The following BEND2 variants were observed in gnomAD, a reference collection of about 807,000 sequenced individuals.
BEND2 encodes BEN domain-containing protein 2.
A neutral mutation model predicts 43.8 loss-of-function variants in BEND2; 19 were observed. The observed-to-expected ratio is 0.43, with a 90% confidence interval of 0.30 to 0.64. The LOEUF is 0.64. Among genes scored for constraint, BEND2 ranks in the 30% least tolerant of loss-of-function variants. The probability of loss-of-function intolerance (pLI) is 0.11; values close to 1 mark genes in which losing one functional copy is unlikely to be tolerated. For missense variants in BEND2, 544 were observed against 574.0 expected, an observed-to-expected ratio of 0.95 and a Z score of 0.53; for synonymous variants, 226 against 210.1, an observed-to-expected ratio of 1.08 and a Z score of -0.66.
intron 12 of BEND2, among the ~76,000 whole-genome samples, chrX:18,173,431 G>C (rs1482102349): frequency 8.9e-6 from 1 of 111,832 alleles, no homozygotes; most frequent in Non-Finnish European, 1.9e-5. Context: ...ATTCTACTTA[G>C]GGTTAACATG....
chrX:18,201,402 A>C (rs1925144899), intron 6 of BEND2, among the ~76,000 whole-genome samples: 1 of 98,796 alleles, frequency 1.0e-5, no homozygotes, highest in African/African-American at 4.0e-5. Flanking sequence ...ATCTCAAAAA[A>C]AAAAAAAAAA....
At position 18,180,570 on chromosome X, in the gene BEND2, A is replaced by G; in HGVS notation, c.1369T>C (p.Leu457=). Residue 457 remains leucine (L), a synonymous_variant, in exon 9 of 14, where the codon TTG becomes CTG. Transcript: ENST00000380033. The part of the protein sequence containing the change: ...SVNTMNRSTL[L]DSDSGQDSSS... ...GAATCCTGGCCACTGTCACTGTCCA[A>G]TAAAGTTGAGCGATTCATTGTGTTG... 1.7e-6 allele frequency: 2 copies of G among 1,210,508 alleles called. No homozygotes were observed. Among genetic ancestry groups the G allele is most frequent in the Non-Finnish European group, 2.2e-6 (2 of 894,313 alleles).
At chrX:18,220,315 G>A (rs1173331365) in intron 1 of BEND2, among the ~76,000 whole-genome samples, 1 of 112,470 alleles carries the variant, frequency 8.9e-6, no homozygotes. Context: ...CGCGAGCGCC[G>A]AGATTGTTTC....
chrX:18,196,449 A>G (rs1190974144), intron 6 of BEND2, among the ~76,000 whole-genome samples: 1 of 111,332 alleles, frequency 9.0e-6, no homozygotes, highest in African/African-American at 3.3e-5. Flanking sequence ...AGACCCAGCA[A>G]TTGTGCTCTT....
chrX:18,206,045 C>T (rs1028439867), intron 4 of BEND2, among the ~76,000 whole-genome samples: 1 of 111,705 alleles, frequency 9.0e-6, no homozygotes, highest in African/African-American at 3.3e-5. Flanking sequence ...TGTAGGGAAT[C>T]GGGATGAAAA....
Position 18,195,429 on chromosome X carries a change from T to C in BEND2, c.1047A>G (p.Ile349Met), listed in dbSNP as rs749522794. ...FIPPYFAEKIILTEMPGTTET... is the reference protein window; with the variant it reads ...FIPPYFAEKIMLTEMPGTTET... Reference sequence around the variant, plus strand: ...CTGTTGTTCCTGGCATTTCAGTAAGTATAATTTTCTCAGCTATTGGGAAAA... The same window carrying C: ...CTGTTGTTCCTGGCATTTCAGTAAGCATAATTTTCTCAGCTATTGGGAAAA... The change falls in exon 7 of 14, where the codon ATA (isoleucine) becomes ATG (methionine). Residue 349 changes from isoleucine to methionine, a missense_variant. Around this residue, in one of 2 missense-constraint regions of BEND2, gnomAD observed 501 missense variants for 501.6 expected, o/e 1.00. Transcript: ENST00000380033. The C allele has an allele frequency of 5.8e-6, 7 of 1,204,118 alleles. No homozygotes were observed. The South Asian group carries it at 1.1e-4, about 19-fold the overall frequency.
chrX:18,219,412 G>A lies in BEND2; in HGVS notation c.25+1314C>T, dbSNP rs768961735. Among the ~76,000 whole-genome samples the A allele has an allele frequency of 1.2e-4, 14 of 112,733 alleles. No homozygotes were observed. In the East Asian group the frequency reaches 3.6e-3, roughly 29 times the overall value. On this transcript the variant is annotated intron_variant, in intron 1 of 13. Transcript: ENST00000380033. ...CCCACTCCAAAGGGACTCCGATTTC[G>A]CAGGATCTCCCAACTTCCGCCTCTG... is the stretch of plus-strand genomic sequence containing the variant.
intron 1 of BEND2, among the ~76,000 whole-genome samples, chrX:18,217,072 A>G (rs1386231904): frequency 8.9e-6 from 1 of 112,839 alleles, no homozygotes; most frequent in Non-Finnish European, 1.9e-5. Flanking sequence ...TAAACGATGC[A>G]ACTGGTGTTA....
At position 18,216,425 on chromosome X, in the gene BEND2, T is replaced by C. The variant is rs779327987; in HGVS notation, c.238+96A>G. 3 of 768,298 alleles carry C rather than the reference T, an allele frequency of 3.9e-6. No individual in the cohort carries two copies. In the Admixed American group the frequency reaches 7.1e-5, roughly 18 times the overall value. The allele number at this position is 768,298 out of a possible 1,213,427, so 63.3% of individuals were successfully genotyped here. ...TGAAGCTAAGCCCTCTGGTCATAAC[T>C]AATTACTGTAAAGGTTACAGGAATA... On this transcript the variant is annotated intron_variant, in intron 2 of 13. Coordinates refer to ENST00000380033, the MANE Select transcript of BEND2 (RefSeq NM_153346.5).
At chrX:18,194,564 A>T (rs1370941336) in intron 7 of BEND2, among the ~76,000 whole-genome samples, 1 of 112,113 alleles carries the variant, frequency 8.9e-6, no homozygotes, top group Non-Finnish European at 1.9e-5. Context: ...ACAAAAAATA[A>T]AAATAAAATA....
At chrX:18,195,572 A>G in intron 6 of BEND2, 130 bp from the exon 7 acceptor site, 1 of 641,818 alleles carries the variant, frequency 1.6e-6, no homozygotes, top group Non-Finnish European at 2.3e-6. Flanking sequence ...CGACTTATCC[A>G]TATAAAAGGT....
At chrX:18,216,475 G>T in intron 2 of BEND2, 46 bp downstream of exon 2, 1 of 1,082,452 alleles carries the variant, frequency 9.2e-7, no homozygotes, top group Non-Finnish European at 1.3e-6. Flanking sequence ...TGGAAATGGG[G>T]ACCAGAGAGT....
intron 8 of BEND2, among the ~76,000 whole-genome samples, chrX:18,187,138 T>A (rs762523344): frequency 9.1e-6 from 1 of 109,862 alleles, no homozygotes; most frequent in Non-Finnish European, 1.9e-5. Context: ...CAGGAAAAAG[T>A]CCCAACTTAC....
intron 12 of BEND2, among the ~76,000 whole-genome samples, chrX:18,173,741 C>T (rs1924046743): frequency 8.9e-6 from 1 of 112,086 alleles, no homozygotes; most frequent in Non-Finnish European, 1.9e-5. Flanking sequence ...GCTGCAGCCC[C>T]TCCCCTTCAC....
chrX:18,173,159 T>C (rs1175377797), intron 12 of BEND2, among the ~76,000 whole-genome samples: 1 of 111,273 alleles, frequency 9.0e-6, no homozygotes. Context: ...CCCCTCGTTA[T>C]AGCTGAGTCA....
Position 18,165,219 on chromosome X carries a change from G to C in BEND2, c.2190C>G (p.Phe730Leu). Residue 730 changes from phenylalanine to leucine, a missense_variant, in exon 14 of 14, where the codon TTC (phenylalanine) becomes TTG (leucine). Transcript: ENST00000380033. The part of the protein sequence containing the change: ...DPNKISALRE[F>L]LQENYPICDL... Reference sequence around the variant, plus strand: ...CACAAATTGGGTAGTTTTCTTGGAGGAACTCTGATGGTAAAGACCCAAGAC... The same window carrying C: ...CACAAATTGGGTAGTTTTCTTGGAGCAACTCTGATGGTAAAGACCCAAGAC... 8.4e-7 allele frequency: 1 copy of C among 1,197,269 alleles called. No homozygotes were observed. The highest frequency in any genetic ancestry group is 1.1e-6 in the Non-Finnish European group (1 of 883,471).
In BEND2 at chrX:18,176,073, GA is replaced by G; in HGVS notation, c.1650del (p.Thr552ProfsTer21). On this transcript the variant is annotated frameshift_variant, in exon 11 of 14. Coordinates refer to ENST00000380033, the MANE Select transcript of BEND2 (RefSeq NM_153346.5). LOFTEE classifies it high-confidence loss of function. Reference sequence around the variant, plus strand: ...CCATGTTCATGCAAATCACAGGTGGGAAAAGTTGTTGCCAGATATTCTGCAA... The same window carrying G: ...CCATGTTCATGCAAATCACAGGTGGGAAAGTTGTTGCCAGATATTCTGCAA... ...AALREYLATT[F>X]PTCDLHEHGK... 1 of 1,195,609 alleles carries G rather than the reference GA, an allele frequency of 8.4e-7. No individual in the cohort carries two copies. The highest frequency in any genetic ancestry group is 2.3e-5 in the Admixed American group (1 of 43,234).
At chrX:18,166,837 C>T (rs1923836267) in intron 13 of BEND2, among the ~76,000 whole-genome samples, 1 of 110,625 alleles carries the variant, frequency 9.0e-6, no homozygotes, top group African/African-American at 3.3e-5. Flanking sequence ...CTGCAGTGAA[C>T]CATGATCTAG....
At chrX:18,204,863 T>C (rs1024772756) in intron 4 of BEND2, among the ~76,000 whole-genome samples, 1 of 111,884 alleles carries the variant, frequency 8.9e-6, no homozygotes, top group African/African-American at 3.2e-5. Flanking sequence ...TCAAATCTGC[T>C]AAAAGACCAA....
Sources: allele counts gnomAD v4.1 joint callset (sites outside exome capture counted in the v4.1 genomes callset), GRCh38; gene constraint gnomAD v4.1.1; regional missense constraint gnomAD v4.1.1; transcripts MANE v1.5; gene names NCBI Gene and HGNC (gene_info 2026-07-23, HGNC 2026-07-21).